Variants in IGSF5 observed in about 807,000 individuals in gnomAD.
IGSF5 encodes the protein immunoglobulin superfamily member 5.
In IGSF5, 41 loss-of-function variants were observed where a neutral mutation model predicts 39.4. The ratio of observed to expected loss-of-function variants is 1.04; its 90% CI spans 0.81 to 1.35. The LOEUF (loss-of-function observed/expected upper bound fraction) is 1.35. Ranked by LOEUF, IGSF5 falls within the 40% of genes most tolerant of loss-of-function variation. The pLI is 0.00. For synonymous variants in IGSF5, 183 were observed against 175.3 expected (o/e 1.04, Z -0.34); for missense variants, 487 against 494.6 (o/e 0.98, Z 0.15).
chr21:39,769,467 CAAAAAAAAAAA>C (rs34427585), intron 3 of IGSF5, among the ~76,000 whole-genome samples: 2 of 79,846 alleles, frequency 2.5e-5, no homozygotes, highest in African/African-American at 9.4e-5. Flanking sequence ...AAGTCTGTCT[CAAAAAAAAAAA>C]AAAAAAAAAA....
At chr21:39,753,262 T>C (rs1245438863) in intron 2 of IGSF5, among the ~76,000 whole-genome samples, 2 of 152,208 alleles carry the variant, frequency 1.3e-5, no homozygotes, top group Admixed American at 1.3e-4. Context: ...CTCTCCTCAA[T>C]TTATTTTTTT....
intron 8 of IGSF5, among the ~76,000 whole-genome samples, chr21:39,800,364 C>A (rs373832338): frequency 6.6e-6 from 1 of 150,464 alleles, no homozygotes; most frequent in Non-Finnish European, 1.5e-5. Flanking sequence ...CTCATTGAGA[C>A]AAACAGAAAT....
At chr21:39,711,916 A>G in the IGSF5 span, among the ~76,000 whole-genome samples, 2 of 152,128 alleles carry the variant, frequency 1.3e-5, no homozygotes, top group Admixed American at 1.3e-4. Context: ...ATGGCAAAAG[A>G]AGCCTGAAGT....
chr21:39,755,573 C>T (rs1029793135), intron 2 of IGSF5, among the ~76,000 whole-genome samples: 34 of 136,306 alleles, frequency 2.5e-4, no homozygotes, highest in African/African-American at 7.3e-4. Flanking sequence ...GGTGACAGAG[C>T]GAGACTCCAT....
At chr21:39,789,271 T>C (rs970538336) in intron 6 of IGSF5, among the ~76,000 whole-genome samples, 7 of 152,170 alleles carry the variant, frequency 4.6e-5, no homozygotes, top group Non-Finnish European at 8.8e-5. Context: ...CTCAGGATAA[T>C]GGGTAGAGGA....
At chr21:39,780,070 G>A (rs1253985553) in intron 5 of IGSF5, among the ~76,000 whole-genome samples, 6 of 152,212 alleles carry the variant, frequency 3.9e-5, no homozygotes, top group African/African-American at 1.2e-4. Flanking sequence ...ACAAAATAGC[G>A]ATGAATATGT....
At chr21:39,766,194 C>T (rs2080086957) in intron 3 of IGSF5, among the ~76,000 whole-genome samples, 1 of 152,134 alleles carries the variant, frequency 6.6e-6, no homozygotes, top group African/African-American at 2.4e-5. Flanking sequence ...CCATCTTTCC[C>T]TTTTTCCTGC....
chr21:39,749,412 CAT>C (rs2079993692), intron 2 of IGSF5, among the ~76,000 whole-genome samples: 2 of 152,148 alleles, frequency 1.3e-5, no homozygotes, highest in Non-Finnish European at 2.9e-5. Flanking sequence ...AGAATTTCGC[CAT>C]GTTGGCCAGG....
chr21:39,743,662 G>C (rs1460876485), upstream of IGSF5, among the ~76,000 whole-genome samples: 1 of 152,078 alleles, frequency 6.6e-6, no homozygotes, highest in African/African-American at 2.4e-5. Context: ...GGTAGATTCT[G>C]AGGGCTTCCT....
chr21:39,720,423 AC>A, the IGSF5 span, among the ~76,000 whole-genome samples: 86 of 151,944 alleles, frequency 5.7e-4, no homozygotes, highest in Non-Finnish European at 1.1e-3. Context: ...GGGGTTGGGG[AC>A]CCCTGGAATA....
At chr21:39,746,390 C>T in intron 2 of IGSF5, 92 bp downstream of exon 2, 1 of 620,994 alleles carries the variant, frequency 1.6e-6, no homozygotes, top group Non-Finnish European at 2.9e-6. Context: ...GAAAACAGAG[C>T]TCCCATACAA....
chr21:39,793,507 G>T, intron 7 of IGSF5, 27 bp from the exon 8 acceptor site: 1 of 1,589,630 alleles, frequency 6.3e-7, no homozygotes, highest in South Asian at 1.1e-5. Flanking sequence ...GCCACTTAAT[G>T]ACTCTAAAAT....
the IGSF5 span, among the ~76,000 whole-genome samples, chr21:39,719,142 C>A: frequency 2.0e-5 from 3 of 152,090 alleles, no homozygotes; most frequent in Admixed American, 6.6e-5. Flanking sequence ...GCATAGAGGT[C>A]AAATGAAAAT....
In IGSF5 at chr21:39,779,078, T is replaced by C. The variant is rs1241049627; in HGVS notation, c.719-12T>C. 6.2e-7 allele frequency: 1 copy of C among 1,611,002 alleles called. No individual in the cohort carries two copies. Among genetic ancestry groups the C allele is most frequent in the African/African-American group, 1.3e-5 (1 of 74,776 alleles). Reference sequence around the variant, plus strand: ...TGCAAGTATCACTAAAATATATTTTTTTCTTCTTTAGACACTGGAGGTGGT... The same window carrying C: ...TGCAAGTATCACTAAAATATATTTTCTTCTTCTTTAGACACTGGAGGTGGT... On this transcript the variant is annotated splice_polypyrimidine_tract_variant and intron_variant, in intron 4 of 8. Transcript: ENST00000380588.
intron 4 of IGSF5, 43 bp downstream of exon 4, chr21:39,771,258 T>G: frequency 6.8e-7 from 1 of 1,472,658 alleles, no homozygotes; most frequent in Non-Finnish European, 9.1e-7. Flanking sequence ...AATGATTATT[T>G]CATGCTTCAA....
the IGSF5 span, among the ~76,000 whole-genome samples, chr21:39,718,315 C>T: frequency 6.6e-6 from 1 of 152,202 alleles, no homozygotes; most frequent in Non-Finnish European, 1.5e-5. Context: ...TTGACTTCCT[C>T]TCTTCCTATT....
intron 8 of IGSF5, among the ~76,000 whole-genome samples, chr21:39,798,581 T>C (rs2087010982): frequency 6.6e-6 from 1 of 152,240 alleles, no homozygotes; most frequent in African/African-American, 2.4e-5. Flanking sequence ...TTCCCTGAGT[T>C]GTACACATCT....
At chr21:39,727,189 G>A in the IGSF5 span, among the ~76,000 whole-genome samples, 2 of 152,204 alleles carry the variant, frequency 1.3e-5, no homozygotes, top group African/African-American at 4.8e-5. Flanking sequence ...CTATCCCTGA[G>A]AACTTATATT....
chr21:39,773,559 C>T (rs111718960), intron 4 of IGSF5, among the ~76,000 whole-genome samples: 3,555 of 149,742 alleles, frequency 0.024, 140 homozygotes, highest in African/African-American at 0.083. Flanking sequence ...TTCGTTTTGA[C>T]ACCCAGATTG....
Sources: allele counts gnomAD v4.1 joint callset (sites outside exome capture counted in the v4.1 genomes callset), GRCh38; gene constraint gnomAD v4.1.1; transcripts MANE v1.5; gene names NCBI Gene and HGNC (gene_info 2026-07-23, HGNC 2026-07-21).